Variants in SH3GL2 observed in about 807,000 individuals in gnomAD.
SH3GL2 encodes the protein endophilin-A1.
In SH3GL2, 24 loss-of-function variants were observed where a neutral mutation model predicts 46.0. That is an observed-to-expected ratio of 0.52 (90% CI 0.38 to 0.73). The LOEUF is 0.73. Ranked by LOEUF, SH3GL2 falls within the 30% of genes least tolerant of loss-of-function variation. SH3GL2 has a pLI of 0.00. For missense variants in SH3GL2, 413 were observed against 424.2 expected, an observed-to-expected ratio of 0.97 and a Z score of 0.23; for synonymous variants, 196 against 147.1, an observed-to-expected ratio of 1.33 and a Z score of -2.40.
intron 1 of SH3GL2, among the ~76,000 whole-genome samples, chr9:17,608,499 T>C (rs1203246072): frequency 6.6e-6 from 1 of 152,240 alleles, no homozygotes; most frequent in African/African-American, 2.4e-5. Flanking sequence ...TGGTTCTTCC[T>C]CATCCACATA....
chr9:17,677,414 A>G (rs904958005), intron 1 of SH3GL2, among the ~76,000 whole-genome samples: 1 of 152,110 alleles, frequency 6.6e-6, no homozygotes, highest in Non-Finnish European at 1.5e-5. Context: ...AATATTATCA[A>G]TGACAAGATT....
chr9:17,612,861 G>T (rs1487684768), intron 1 of SH3GL2, among the ~76,000 whole-genome samples: 1 of 152,148 alleles, frequency 6.6e-6, no homozygotes, highest in Non-Finnish European at 1.5e-5. Flanking sequence ...CTTCCGAGAA[G>T]CCCCTGATTA....
intron 1 of SH3GL2, among the ~76,000 whole-genome samples, chr9:17,663,554 C>T (rs1467394860): frequency 2.6e-5 from 4 of 152,174 alleles, no homozygotes; most frequent in Admixed American, 2.0e-4. Flanking sequence ...AACGTGACCA[C>T]TCAGGGTTCT....
At chr9:17,749,838 T>C (rs1396089293) in intron 2 of SH3GL2, among the ~76,000 whole-genome samples, 1 of 152,214 alleles carries the variant, frequency 6.6e-6, no homozygotes, top group East Asian at 1.9e-4. Context: ...CCTCTGAGTA[T>C]GAAAGTAAGG....
chr9:17,579,599 C>G (rs1588153110), intron 1 of SH3GL2, among the ~76,000 whole-genome samples: 3 of 152,280 alleles, frequency 2.0e-5, no homozygotes, highest in African/African-American at 7.2e-5. Flanking sequence ...GGCTGCACTG[C>G]TGCCGCGGCG....
chr9:17,752,472 C>T (rs1822873872), intron 2 of SH3GL2, among the ~76,000 whole-genome samples: 1 of 151,968 alleles, frequency 6.6e-6, no homozygotes, highest in Non-Finnish European at 1.5e-5. Flanking sequence ...GTGTGTAATT[C>T]ATCTACTTAT....
intron 3 of SH3GL2, among the ~76,000 whole-genome samples, chr9:17,777,349 C>T (rs1823668786): frequency 6.6e-6 from 1 of 152,080 alleles, no homozygotes; most frequent in Non-Finnish European, 1.5e-5. Context: ...AATTGGTTTG[C>T]TCACAAATAT....
intron 1 of SH3GL2, among the ~76,000 whole-genome samples, chr9:17,733,341 A>T (rs919246191): frequency 2.0e-5 from 3 of 151,878 alleles, no homozygotes; most frequent in African/African-American, 4.8e-5. Flanking sequence ...TTAGTTACAT[A>T]TGTATACATG....
chr9:17,705,922 G>A (rs1005493238), intron 1 of SH3GL2, among the ~76,000 whole-genome samples: 5 of 151,878 alleles, frequency 3.3e-5, no homozygotes. Context: ...TAACAAACCT[G>A]CATGTGTACC....
rs1041074729 is a variant in SH3GL2, at chr9:17,789,355, C to A, written c.466-37C>A. ...AGCTCAAATAAGCCTTTTCCATAAG[C>A]CCTTTCAAAGCCTATTCCTGCCCTT... On this transcript the variant is annotated intron_variant, in intron 5 of 8. Transcript: ENST00000380607. The A allele has an allele frequency of 8.2e-6, 13 of 1,583,492 alleles. No homozygotes were observed. In the Admixed American group the frequency reaches 8.4e-5, roughly 10 times the overall value.
At chr9:17,741,701 A>G (rs750157881) in intron 1 of SH3GL2, among the ~76,000 whole-genome samples, 2 of 152,192 alleles carry the variant, frequency 1.3e-5, no homozygotes, top group Non-Finnish European at 2.9e-5. Flanking sequence ...GCGCTGTGTT[A>G]ATTACTGAAG....
chr9:17,655,857 C>G (rs1443425848), intron 1 of SH3GL2, among the ~76,000 whole-genome samples: 1 of 152,218 alleles, frequency 6.6e-6, no homozygotes, highest in Non-Finnish European at 1.5e-5. Flanking sequence ...CAGCCTGATG[C>G]ATTCCAAGAG....
At chr9:17,605,816 T>C (rs918081169) in intron 1 of SH3GL2, among the ~76,000 whole-genome samples, 6 of 152,188 alleles carry the variant, frequency 3.9e-5, no homozygotes, top group Non-Finnish European at 8.8e-5. Flanking sequence ...TCAAACTAAA[T>C]GATTCCAGAA....
intron 1 of SH3GL2, among the ~76,000 whole-genome samples, chr9:17,644,687 A>G (rs187373017): frequency 1.3e-5 from 2 of 152,138 alleles, no homozygotes; most frequent in East Asian, 3.9e-4. Flanking sequence ...GGCTTGAGAA[A>G]CTGTTTGTTA....
chr9:17,787,904 A>C (rs927498778), intron 5 of SH3GL2, among the ~76,000 whole-genome samples: 1 of 152,208 alleles, frequency 6.6e-6, no homozygotes, highest in African/African-American at 2.4e-5. Flanking sequence ...TAGTTATTCT[A>C]TCACTGCATA....
chr9:17,785,230 A>G (rs1181763767), intron 3 of SH3GL2, among the ~76,000 whole-genome samples: 1 of 151,890 alleles, frequency 6.6e-6, no homozygotes, highest in African/African-American at 2.4e-5. Flanking sequence ...CATATCTGGG[A>G]CTCTCCTCAA....
At chr9:17,787,356 T>A in intron 4 of SH3GL2, 24 bp from the exon 5 acceptor site, 1 of 1,603,026 alleles carries the variant, frequency 6.2e-7, no homozygotes, top group Non-Finnish European at 8.5e-7. Flanking sequence ...TTCTGTAACA[T>A]GAAAGAGCTT....
intron 1 of SH3GL2, among the ~76,000 whole-genome samples, chr9:17,617,707 G>A (rs1819036907): frequency 6.6e-6 from 1 of 152,190 alleles, no homozygotes; most frequent in Non-Finnish European, 1.5e-5. Context: ...CTGGAAACTA[G>A]CTAACTGAGT....
At chr9:17,671,008 G>C (rs1319329418) in intron 1 of SH3GL2, among the ~76,000 whole-genome samples, 1 of 152,164 alleles carries the variant, frequency 6.6e-6, no homozygotes. Flanking sequence ...GGACTACTAG[G>C]CTATATTAGT....
Sources: gnomAD v4.1 joint callset for allele counts (sites outside exome capture counted in the v4.1 genomes callset) on GRCh38, gnomAD v4.1.1 for gene constraint, MANE v1.5 for transcripts, NCBI Gene and HGNC (gene_info 2026-07-23, HGNC 2026-07-21) for gene names.